The following SGCZ variants were observed in gnomAD, a reference collection of about 807,000 sequenced individuals.
The protein encoded by SGCZ is sarcoglycan zeta, also known as zeta-sarcoglycan.
In SGCZ, 40 loss-of-function variants were observed where a neutral mutation model predicts 41.3. The ratio of observed to expected loss-of-function variants is 0.97; its 90% CI spans 0.75 to 1.26. The LOEUF is 1.26. SGCZ is among the 50% of genes most tolerant of loss of function. SGCZ has a pLI of 0.00. For synonymous variants in SGCZ, 206 were observed against 137.5 expected, an observed-to-expected ratio of 1.50 and a Z score of -3.49; for missense variants, 552 against 369.8, an observed-to-expected ratio of 1.49 and a Z score of -4.04.
chr8:15,075,163 A>G (rs990504325), intron 1 of SGCZ, among the ~76,000 whole-genome samples: 11 of 152,104 alleles, frequency 7.2e-5, no homozygotes, highest in African/African-American at 2.7e-4. Flanking sequence ...TTCAGAGTTC[A>G]AACTATGCAA....
In SGCZ at chr8:14,891,958, T is replaced by C. The variant is rs184469237; in HGVS notation, c.40-337032A>G. Among the ~76,000 whole-genome samples, 19 of 152,356 alleles carry C rather than the reference T, an allele frequency of 1.2e-4. 1 individual carries two copies. Among genetic ancestry groups the C allele is most frequent in the Admixed American group, 3.3e-4 (5 of 15,300 alleles). ...TGTATATGTTTAGACATAATACTATTGCACACTTAACAGACATCACATAAT... is the reference window on the plus strand; with the variant it reads ...TGTATATGTTTAGACATAATACTATCGCACACTTAACAGACATCACATAAT... On this transcript the variant is annotated intron_variant, in intron 1 of 7. Coordinates refer to ENST00000382080, the MANE Select transcript of SGCZ (RefSeq NM_139167.4).
intron 4 of SGCZ, among the ~76,000 whole-genome samples, chr8:14,228,137 G>A (rs1421456789): frequency 1.3e-5 from 2 of 151,974 alleles, no homozygotes; most frequent in East Asian, 3.9e-4. Context: ...TGAACATTAT[G>A]CCCCATTAAC....
chr8:14,230,139 G>C (rs138580898), intron 4 of SGCZ, among the ~76,000 whole-genome samples: 29 of 152,128 alleles, frequency 1.9e-4, no homozygotes, highest in African/African-American at 7.0e-4. Flanking sequence ...ATTGAGGAAC[G>C]TAAGGACCAG....
At chr8:14,822,706 G>T (rs1289142029) in intron 1 of SGCZ, among the ~76,000 whole-genome samples, 2 of 152,032 alleles carry the variant, frequency 1.3e-5, no homozygotes, top group Non-Finnish European at 1.5e-5. Flanking sequence ...CAACCAAGAT[G>T]CCAAGAACAT....
chr8:14,690,082 A>G (rs1808750265), intron 1 of SGCZ, among the ~76,000 whole-genome samples: 2 of 152,064 alleles, frequency 1.3e-5, no homozygotes, highest in Non-Finnish European at 2.9e-5. Context: ...TCGTGCCACA[A>G]ATATTTCTAA....
intron 1 of SGCZ, among the ~76,000 whole-genome samples, chr8:15,027,227 A>C (rs1803490293): frequency 6.6e-6 from 1 of 152,148 alleles, no homozygotes; most frequent in Admixed American, 6.5e-5. Context: ...ACATTTTTGA[A>C]ATTCCAGGAA....
At chr8:14,825,145 A>G (rs994620024) in intron 1 of SGCZ, among the ~76,000 whole-genome samples, 1 of 152,170 alleles carries the variant, frequency 6.6e-6, no homozygotes. Flanking sequence ...TCTTAAATTG[A>G]TATTTCATGG....
At chr8:14,300,172 T>G (rs544457006) in intron 3 of SGCZ, among the ~76,000 whole-genome samples, 54 of 152,000 alleles carry the variant, frequency 3.6e-4, no homozygotes, top group African/African-American at 1.3e-3. Flanking sequence ...GAATTACATG[T>G]CAAAGTTGTG....
chr8:14,700,090 C>T (rs998787441), intron 1 of SGCZ, among the ~76,000 whole-genome samples: 1 of 152,026 alleles, frequency 6.6e-6, no homozygotes, highest in Non-Finnish European at 1.5e-5. Flanking sequence ...TTCTATCCAA[C>T]AATCCCATTA....
intron 1 of SGCZ, among the ~76,000 whole-genome samples, chr8:14,871,200 G>T (rs908897286): frequency 6.6e-6 from 1 of 151,524 alleles, no homozygotes; most frequent in Non-Finnish European, 1.5e-5. Context: ...AGAGTGAAAC[G>T]CTCTCTCAAC....
chr8:14,768,223 T>C (rs1340562172), intron 1 of SGCZ, among the ~76,000 whole-genome samples: 2 of 152,186 alleles, frequency 1.3e-5, no homozygotes, highest in Non-Finnish European at 2.9e-5. Flanking sequence ...CTTTAACATA[T>C]AGTCTCCTAA....
intron 1 of SGCZ, among the ~76,000 whole-genome samples, chr8:15,146,269 C>T (rs557349777): frequency 4.4e-4 from 67 of 152,158 alleles, no homozygotes; most frequent in African/African-American, 1.4e-3. Context: ...TAAATGCCTA[C>T]CGTTGATTTT....
intron 1 of SGCZ, among the ~76,000 whole-genome samples, chr8:14,565,404 G>T (rs927114778): frequency 1.3e-5 from 2 of 151,780 alleles, no homozygotes; most frequent in African/African-American, 4.8e-5. Context: ...CTGCTAATAA[G>T]AATAGAAATA....
chr8:14,111,637 C>G (rs1053686390), intron 5 of SGCZ, among the ~76,000 whole-genome samples: 4 of 152,164 alleles, frequency 2.6e-5, no homozygotes, highest in Non-Finnish European at 4.4e-5. Flanking sequence ...TTTAAACTCA[C>G]TACAATGTTA....
At chr8:15,216,868 C>G (rs1027037734) in intron 1 of SGCZ, among the ~76,000 whole-genome samples, 6 of 151,894 alleles carry the variant, frequency 4.0e-5, no homozygotes, top group African/African-American at 1.2e-4. Flanking sequence ...TCCTTTTATC[C>G]CAGGCCACAA....
chr8:15,090,194 T>C (rs1806105424), intron 1 of SGCZ, among the ~76,000 whole-genome samples: 1 of 152,168 alleles, frequency 6.6e-6, no homozygotes, highest in Non-Finnish European at 1.5e-5. Flanking sequence ...AGAAGCAAAT[T>C]TAGTCTGTTA....
chr8:15,203,187 T>C (rs963230212), intron 1 of SGCZ, among the ~76,000 whole-genome samples: 5 of 152,200 alleles, frequency 3.3e-5, no homozygotes, highest in Admixed American at 2.0e-4. Flanking sequence ...TCTGCCTCGG[T>C]ATCTTTTCTG....
chr8:14,258,058 T>G (rs897681903), intron 3 of SGCZ, among the ~76,000 whole-genome samples: 29 of 152,198 alleles, frequency 1.9e-4, no homozygotes, highest in African/African-American at 6.8e-4. Flanking sequence ...GAACTTGGAC[T>G]TTTAATTACA....
intron 2 of SGCZ, among the ~76,000 whole-genome samples, chr8:14,381,092 T>TA (rs71541665): frequency 0.075 from 11,244 of 149,616 alleles, 468 homozygotes; most frequent in Admixed American, 0.13. Flanking sequence ...GCAAAAGTAG[T>TA]AAAAAAAAAA....
Sources: gnomAD v4.1 joint callset for allele counts (sites outside exome capture counted in the v4.1 genomes callset) on GRCh38, gnomAD v4.1.1 for gene constraint, MANE v1.5 for transcripts, NCBI Gene and HGNC (gene_info 2026-07-23, HGNC 2026-07-21) for gene names.